NREP: variants seen among roughly 807,000 people sequenced by gnomAD.
NREP encodes the protein neuronal regeneration related protein, also known as neuronal regeneration-related protein.
NREP carries 5 observed loss-of-function variants against 8.6 expected under a neutral mutation model. The observed-to-expected ratio is 0.58, with a 90% CI of 0.30 to 1.22. The LOEUF is 1.22. Ranked by LOEUF, NREP falls within the 50% of genes most tolerant of loss-of-function variation. The pLI, the probability that NREP is intolerant of heterozygous loss-of-function variation, is 0.07. For synonymous variants in NREP, 27 were observed against 28.0 expected (o/e 0.96, Z 0.11); for missense variants, 86 against 82.5 (o/e 1.04, Z -0.17).
At chr5:111,946,414 C>A (rs1337982299) in intron 2 of NREP, among the ~76,000 whole-genome samples, 1 of 151,942 alleles carries the variant, frequency 6.6e-6, no homozygotes, top group African/African-American at 2.4e-5. Flanking sequence ...ATTTTAAAGC[C>A]TTTCATGTTA....
At chr5:111,877,402 C>A (rs1042506565) in intron 2 of NREP, among the ~76,000 whole-genome samples, 1 of 152,206 alleles carries the variant, frequency 6.6e-6, no homozygotes, top group African/African-American at 2.4e-5. Flanking sequence ...ACCTGTGATT[C>A]TTGAGGTGTT....
chr5:111,901,574 G>A (rs1116411), intron 2 of NREP, among the ~76,000 whole-genome samples: 1 of 151,786 alleles, frequency 6.6e-6, no homozygotes, highest in South Asian at 2.1e-4. Context: ...CTGAAGATTC[G>A]ACCCCAAAAC....
intron 2 of NREP, among the ~76,000 whole-genome samples, chr5:111,799,832 G>A (rs1751960818): frequency 6.6e-6 from 1 of 152,208 alleles, no homozygotes; most frequent in Admixed American, 6.5e-5. Flanking sequence ...CTTGTCTGGA[G>A]TAAAGGTAGA....
chr5:111,754,303 T>C (rs1365892620), intron 2 of NREP, among the ~76,000 whole-genome samples: 13 of 152,204 alleles, frequency 8.5e-5, no homozygotes, highest in Admixed American at 8.5e-4. Context: ...TACAGAAACA[T>C]GGTATCTTAC....
chr5:111,853,936 A>T (rs1022571470), intron 2 of NREP, among the ~76,000 whole-genome samples: 1 of 152,084 alleles, frequency 6.6e-6, no homozygotes, highest in African/African-American at 2.4e-5. Flanking sequence ...TTCTCGTTTC[A>T]TGATGTGTCT....
At chr5:111,940,495 T>G (rs150323510) in intron 2 of NREP, among the ~76,000 whole-genome samples, 2,342 of 152,124 alleles carry the variant, frequency 0.015, 32 homozygotes, top group Middle Eastern at 0.024. Context: ...GAGAATTCAG[T>G]AGACACATAT....
intron 2 of NREP, among the ~76,000 whole-genome samples, chr5:111,796,882 T>A (rs1367081261): frequency 6.6e-6 from 1 of 152,060 alleles, no homozygotes; most frequent in Non-Finnish European, 1.5e-5. Flanking sequence ...AATGAACAAA[T>A]GCAAACTGGT....
At chr5:111,927,708 C>T (rs1755427785) in intron 2 of NREP, among the ~76,000 whole-genome samples, 1 of 152,160 alleles carries the variant, frequency 6.6e-6, no homozygotes, top group South Asian at 2.1e-4. Context: ...AAGCTCTAAT[C>T]AAGGCCTCAC....
At chr5:111,956,633 G>A (rs1416844454) in intron 2 of NREP, among the ~76,000 whole-genome samples, 1 of 152,076 alleles carries the variant, frequency 6.6e-6, no homozygotes, top group African/African-American at 2.4e-5. Context: ...GTGGTTGACA[G>A]TTATCCAGAA....
exon 2 of NREP, chr5:111,975,375 G>T: frequency 6.4e-7 from 1 of 1,551,064 alleles, no homozygotes; most frequent in Non-Finnish European, 8.7e-7. Context: ...TCTTCTCTTC[G>T]GCTCTGCAGA....
At chr5:111,859,986 A>C (rs1753509108) in intron 2 of NREP, among the ~76,000 whole-genome samples, 1 of 152,184 alleles carries the variant, frequency 6.6e-6, no homozygotes, top group Non-Finnish European at 1.5e-5. Flanking sequence ...TTTTCAGGGC[A>C]GGCAAGTACT....
rs552260004 is a variant in NREP, at chr5:111,807,712, C to T, written c.136-72205G>A. 1.4e-4 allele frequency among the ~76,000 whole-genome samples: 21 copies of T among 152,240 alleles called. 1 individual carries two copies. The highest frequency in any genetic ancestry group is 4.8e-4 in the African/African-American group (20 of 41,548). ...ATTTGCAAACATTTGTAATATGCCTCATTATGCACATTTTATACATTTATA... is the reference window on the plus strand; with the variant it reads ...ATTTGCAAACATTTGTAATATGCCTTATTATGCACATTTTATACATTTATA... On this transcript the variant is annotated intron_variant, in intron 2 of 3. Coordinates refer to the NREP transcript ENST00000395634.
intron 2 of NREP, among the ~76,000 whole-genome samples, chr5:111,874,608 A>T (rs536593223): frequency 1.3e-5 from 2 of 152,186 alleles, no homozygotes; most frequent in Non-Finnish European, 2.9e-5. Flanking sequence ...GAGTAAAGAC[A>T]GTAAAGACCT....
At chr5:111,902,113 G>C (rs1160742313) in intron 2 of NREP, among the ~76,000 whole-genome samples, 1 of 151,918 alleles carries the variant, frequency 6.6e-6, no homozygotes, top group African/African-American at 2.4e-5. Flanking sequence ...CAGACCAATG[G>C]AACATAATAA....
intron 2 of NREP, among the ~76,000 whole-genome samples, chr5:111,902,277 G>T (rs897739153): frequency 6.6e-6 from 1 of 151,794 alleles, no homozygotes; most frequent in African/African-American, 2.4e-5. Flanking sequence ...CCTATCTCTC[G>T]CCATCCACAA....
At chr5:111,868,833 CTT>C (rs11352654) in intron 2 of NREP, among the ~76,000 whole-genome samples, 109 of 143,632 alleles carry the variant, frequency 7.6e-4, no homozygotes, top group African/African-American at 2.0e-3. Context: ...TCCAGTTTTT[CTT>C]TTTTTTTTTT....
At chr5:111,803,787 A>G (rs932607770) in intron 2 of NREP, among the ~76,000 whole-genome samples, 3 of 152,176 alleles carry the variant, frequency 2.0e-5, no homozygotes, top group Non-Finnish European at 2.9e-5. Flanking sequence ...AAAAATTTTG[A>G]ATGTGGGAGA....
At chr5:111,767,643 A>C (rs2112869432) in intron 2 of NREP, among the ~76,000 whole-genome samples, 1 of 152,158 alleles carries the variant, frequency 6.6e-6, no homozygotes, top group South Asian at 2.1e-4. Flanking sequence ...GTTTTTCCAA[A>C]AAAATTATGG....
chr5:111,773,319 C>CATAAACATACATAAAAA (rs1308695799), intron 2 of NREP, among the ~76,000 whole-genome samples: 1 of 152,084 alleles, frequency 6.6e-6, no homozygotes. Flanking sequence ...CTAATAAACA[C>CATAAACATACATAAAAA]CTACTTCTCT....
Sources: gnomAD v4.1 joint callset for allele counts (sites outside exome capture counted in the v4.1 genomes callset) on GRCh38, gnomAD v4.1.1 for gene constraint, MANE v1.5 for transcripts, NCBI Gene and HGNC (gene_info 2026-07-23, HGNC 2026-07-21) for gene names.